VDAC1: variants seen among roughly 807,000 people sequenced by gnomAD.
The protein encoded by VDAC1 is voltage dependent anion channel 1, also known as non-selective voltage-gated ion channel VDAC1.
In VDAC1, 10 loss-of-function variants were observed where a neutral mutation model predicts 34.7. The observed-to-expected ratio is 0.29, with a 90% CI of 0.18 to 0.49. The LOEUF is 0.49. Ranked by LOEUF, VDAC1 falls within the 20% of genes least tolerant of loss-of-function variation. The probability of loss-of-function intolerance (pLI) is 0.99; values close to 1 mark genes in which losing one functional copy is unlikely to be tolerated. For synonymous variants in VDAC1, 130 were observed against 136.0 expected, an observed-to-expected ratio of 0.96 and a Z score of 0.30; for missense variants, 230 against 347.9, an observed-to-expected ratio of 0.66 and a Z score of 2.69.
the VDAC1 span, among the ~76,000 whole-genome samples, chr5:134,060,877 C>CTTTTTT: frequency 2.7e-4 from 11 of 41,288 alleles, 1 homozygote; most frequent in East Asian, 8.9e-3. Context: ...TCCTCTTCTT[C>CTTTTTT]TTCTTTTTTT....
the VDAC1 span, among the ~76,000 whole-genome samples, chr5:134,073,808 CTT>C: frequency 6.6e-6 from 1 of 150,800 alleles, no homozygotes; most frequent in Non-Finnish European, 1.5e-5. Context: ...ATAACTCAGA[CTT>C]GTGTGTGTGT....
chr5:133,980,263 AC>A, intron 6 of VDAC1, among the ~76,000 whole-genome samples: 1 of 152,328 alleles, frequency 6.6e-6, no homozygotes, highest in East Asian at 1.9e-4. Context: ...TCCAATAGTT[AC>A]TTTTACATGC....
chr5:134,042,986 AC>A, the VDAC1 span, among the ~76,000 whole-genome samples: 1 of 152,152 alleles, frequency 6.6e-6, no homozygotes, highest in Non-Finnish European at 1.5e-5. Context: ...GCTGGTGGAA[AC>A]CCTGCCTGGG....
chr5:134,075,186 T>C, the VDAC1 span, among the ~76,000 whole-genome samples: 1 of 152,324 alleles, frequency 6.6e-6, no homozygotes, highest in Admixed American at 6.5e-5. Flanking sequence ...TTATATACCA[T>C]TTGCACACAG....
chr5:134,062,878 C>T, the VDAC1 span, among the ~76,000 whole-genome samples: 1 of 146,386 alleles, frequency 6.8e-6, no homozygotes, highest in African/African-American at 2.4e-5. Flanking sequence ...CTGCCCTCCT[C>T]GGCCTCCCAA....
chr5:134,073,506 A>T, the VDAC1 span, among the ~76,000 whole-genome samples: 1 of 152,166 alleles, frequency 6.6e-6, no homozygotes, highest in Non-Finnish European at 1.5e-5. Context: ...TTTACCCTTT[A>T]CTTGAATACC....
At chr5:134,009,843 G>C (rs1407990131), upstream of VDAC1, among the ~76,000 whole-genome samples, 1 of 151,726 alleles carries the variant, frequency 6.6e-6, no homozygotes, top group Non-Finnish European at 1.5e-5. Flanking sequence ...ACCACGTCTG[G>C]CTAATTTTTG....
At chr5:134,036,661 A>T in the VDAC1 span, among the ~76,000 whole-genome samples, 6 of 150,866 alleles carry the variant, frequency 4.0e-5, no homozygotes, top group South Asian at 4.2e-4. Flanking sequence ...GTCTTTTTTA[A>T]AAAAAAAAAA....
intron 1 of VDAC1, among the ~76,000 whole-genome samples, chr5:134,002,489 T>C (rs1197768981): frequency 6.6e-6 from 1 of 152,154 alleles, no homozygotes; most frequent in East Asian, 1.9e-4. Flanking sequence ...TCACCCTCCC[T>C]GCAAGCCCAG....
the VDAC1 span, among the ~76,000 whole-genome samples, chr5:134,025,079 G>A: frequency 2.0e-5 from 3 of 152,206 alleles, no homozygotes; most frequent in Non-Finnish European, 4.4e-5. Context: ...CCATTTTGGT[G>A]TTGCCATAAA....
chr5:134,075,578 G>T, the VDAC1 span, among the ~76,000 whole-genome samples: 1 of 152,034 alleles, frequency 6.6e-6, no homozygotes, highest in East Asian at 1.9e-4. Flanking sequence ...TTGTTTGTTT[G>T]TTTGTTTTTT....
chr5:134,063,010 G>T, the VDAC1 span, among the ~76,000 whole-genome samples: 5 of 152,130 alleles, frequency 3.3e-5, no homozygotes, highest in Non-Finnish European at 7.3e-5. Flanking sequence ...AATTACCTAG[G>T]CCTATAGTTT....
chr5:134,107,635 G>C, the VDAC1 span, among the ~76,000 whole-genome samples: 1 of 152,192 alleles, frequency 6.6e-6, no homozygotes, highest in Admixed American at 6.5e-5. Flanking sequence ...CAAGATTGCA[G>C]GATTGCAAAG....
chr5:134,033,858 G>A, the VDAC1 span, among the ~76,000 whole-genome samples: 6 of 151,998 alleles, frequency 3.9e-5, no homozygotes, highest in South Asian at 2.1e-4. Flanking sequence ...CGGGAGTGGT[G>A]GCAGGCGCCT....
chr5:134,030,876 G>A, the VDAC1 span, among the ~76,000 whole-genome samples: 1 of 152,152 alleles, frequency 6.6e-6, no homozygotes, highest in Non-Finnish European at 1.5e-5. Context: ...GCCTCCCAAA[G>A]TGCTGGGATT....
At chr5:134,111,787 C>G in the VDAC1 span, among the ~76,000 whole-genome samples, 1 of 152,156 alleles carries the variant, frequency 6.6e-6, no homozygotes, top group Admixed American at 6.5e-5. Flanking sequence ...TAATGGAACA[C>G]TAGAGTGTGA....
chr5:134,094,602 T>C, the VDAC1 span, among the ~76,000 whole-genome samples: 2 of 139,254 alleles, frequency 1.4e-5, no homozygotes, highest in Non-Finnish European at 3.0e-5. Flanking sequence ...GAGGCTGAGG[T>C]AGGAGAATGG....
chr5:134,030,183 A>G, the VDAC1 span, among the ~76,000 whole-genome samples: 1 of 151,954 alleles, frequency 6.6e-6, no homozygotes, highest in African/African-American at 2.4e-5. Flanking sequence ...TCTACTAAAA[A>G]CACAAAATTA....
At chr5:134,067,946 T>G in the VDAC1 span, among the ~76,000 whole-genome samples, 2,291 of 152,150 alleles carry the variant, frequency 0.015, 52 homozygotes, top group African/African-American at 0.052. Flanking sequence ...GGTGAAACCC[T>G]GTCTCTACTG....
Sources: gnomAD v4.1 joint callset for allele counts (sites outside exome capture counted in the v4.1 genomes callset) on GRCh38, gnomAD v4.1.1 for gene constraint, MANE v1.5 for transcripts, NCBI Gene and HGNC (gene_info 2026-07-23, HGNC 2026-07-21) for gene names.